Variants in RGS6 observed in about 807,000 individuals in gnomAD.
RGS6 encodes the protein regulator of G protein signaling 6.
RGS6 carries 30 observed loss-of-function variants against 78.5 expected under a neutral mutation model. That is an observed-to-expected ratio of 0.38 (90% CI 0.29 to 0.52). RGS6 has a LOEUF of 0.52. Among genes scored for constraint, RGS6 ranks in the 20% least tolerant of loss-of-function variants. The pLI, the probability that RGS6 is intolerant of heterozygous loss-of-function variation, is 0.85. For missense variants in RGS6, 495 were observed against 609.7 expected, an observed-to-expected ratio of 0.81 and a Z score of 1.98; for synonymous variants, 206 against 206.0, an observed-to-expected ratio of 1.00 and a Z score of 0.00.
intron 17 of RGS6, 65 bp from the exon 18 acceptor site, chr14:72,562,352 G>C (rs1244853963): frequency 6.6e-7 from 1 of 1,512,100 alleles, no homozygotes; most frequent in Non-Finnish European, 9.1e-7. Flanking sequence ...CACCTGTCTG[G>C]CTCTCTGTCT....
At chr14:71,974,907 G>A (rs184329584) in intron 2 of RGS6, among the ~76,000 whole-genome samples, 8 of 152,330 alleles carry the variant, frequency 5.3e-5, no homozygotes, top group East Asian at 3.9e-4. Context: ...TTGGGAGGCC[G>A]AGGCAGGAAG....
chr14:72,023,287 G>A lies in RGS6; in HGVS notation c.84+58412G>A, dbSNP rs373922295. ...AGCTCCTTTTTCTAAATTGCCTTCC[G>A]GCTACCCAAGAAAGTCAATTTCCTT... On this transcript the variant is annotated intron_variant, in intron 2 of 17. Transcript: ENST00000553525. Among the ~76,000 whole-genome samples the A allele has an allele frequency of 4.8e-4, 73 of 152,214 alleles. No homozygotes were observed. The South Asian group carries it at 0.014, about 30-fold the overall frequency.
rs1599228414 is a variant in RGS6, at chr14:72,562,639, C to T, written c.*172C>T. The T allele has an allele frequency of 6.5e-7, 1 of 1,533,056 alleles. No homozygotes were observed. Among genetic ancestry groups the T allele is most frequent in the African/African-American group, 1.4e-5 (1 of 72,182 alleles). The allele number at this position is 1,533,056 out of a possible 1,614,324, so 95.0% of individuals were successfully genotyped here. Reference sequence around the variant, plus strand: ...AGACTCGGTGGGTGAATGGGGAGACCAGAAAGAAAGAGTCCACAGAGCCTG... The same window carrying T: ...AGACTCGGTGGGTGAATGGGGAGACTAGAAAGAAAGAGTCCACAGAGCCTG... On this transcript the variant is annotated 3_prime_UTR_variant, in exon 18 of 18. Transcript: ENST00000553525.
intron 3 of RGS6, among the ~76,000 whole-genome samples, chr14:72,427,241 A>G (rs1244375668): frequency 1.3e-5 from 2 of 152,224 alleles, no homozygotes; most frequent in East Asian, 3.8e-4. Context: ...AACTTTTCTT[A>G]CAGTATATTG....
intron 2 of RGS6, among the ~76,000 whole-genome samples, chr14:72,087,166 T>C (rs1054947390): frequency 2.0e-5 from 3 of 152,212 alleles, no homozygotes; most frequent in Non-Finnish European, 1.5e-5. Context: ...AGTCTCACTC[T>C]GTTGCTCAAG....
chr14:72,476,268 C>T (rs773569492), intron 10 of RGS6, among the ~76,000 whole-genome samples: 8 of 152,208 alleles, frequency 5.3e-5, no homozygotes, highest in South Asian at 2.1e-4. Context: ...TGCTGACCAA[C>T]GGAAATGTAG....
At chr14:72,539,960 C>CTGCTGTTTGGGAACCACGTATAAGCT in intron 16 of RGS6, 81 bp from the exon 17 acceptor site, 1 of 1,240,446 alleles carries the variant, frequency 8.1e-7, no homozygotes, top group Non-Finnish European at 1.1e-6. Context: ...GCTGCAGCTG[C>CTGCTGTTTGGGAACCACGTATAAGCT]TGCTGTTTGG....
chr14:71,993,063 G>T (rs989250727), intron 2 of RGS6, among the ~76,000 whole-genome samples: 1 of 152,144 alleles, frequency 6.6e-6, no homozygotes, highest in South Asian at 2.1e-4. Context: ...AGGAGATGTT[G>T]TCTTTACAAT....
intron 17 of RGS6, among the ~76,000 whole-genome samples, chr14:72,554,835 C>G (rs142332784): frequency 6.6e-6 from 1 of 152,222 alleles, no homozygotes; most frequent in Non-Finnish European, 1.5e-5. Flanking sequence ...AACTTGGACG[C>G]GAGACCGGGG....
At chr14:72,459,827 A>G (rs569877486) in intron 6 of RGS6, 144 bp downstream of exon 6, 56 of 782,294 alleles carry the variant, frequency 7.2e-5, no homozygotes, top group Middle Eastern at 6.8e-4. Flanking sequence ...TATTGTTGCT[A>G]TATAACAAAT....
intron 10 of RGS6, 49 bp from the exon 11 acceptor site, chr14:72,476,693 C>A: frequency 6.5e-7 from 1 of 1,536,072 alleles, no homozygotes; most frequent in African/African-American, 1.4e-5. Context: ...CCTAAGCCAC[C>A]CTCCAATTCT....
chr14:72,617,778 CG>C, the RGS6 span, among the ~76,000 whole-genome samples: 1 of 152,150 alleles, frequency 6.6e-6, no homozygotes, highest in South Asian at 2.1e-4. Context: ...CCCGAGTCTC[CG>C]GGAGCGTCCT....
chr14:72,193,190 C>T (rs576833695), intron 2 of RGS6, among the ~76,000 whole-genome samples: 3 of 152,212 alleles, frequency 2.0e-5, no homozygotes, highest in South Asian at 2.1e-4. Context: ...GGTGGGGTTT[C>T]GCCATGTTGG....
chr14:72,134,189 C>G (rs2096389422), intron 2 of RGS6, among the ~76,000 whole-genome samples: 1 of 152,204 alleles, frequency 6.6e-6, no homozygotes, highest in Non-Finnish European at 1.5e-5. Flanking sequence ...TTGAACATCT[C>G]TGGTGATTTT....
the RGS6 span, among the ~76,000 whole-genome samples, chr14:72,622,810 C>A: frequency 3.9e-5 from 6 of 152,126 alleles, no homozygotes; most frequent in Non-Finnish European, 7.3e-5. Context: ...CAGGGTAAAT[C>A]CCTGACCATG....
intron 2 of RGS6, among the ~76,000 whole-genome samples, chr14:72,085,438 A>G (rs1414563478): frequency 6.6e-6 from 1 of 152,176 alleles, no homozygotes; most frequent in Non-Finnish European, 1.5e-5. Context: ...AGCACTGAGT[A>G]CCTGGGCCCA....
rs865330 is a variant in RGS6 at position 72,269,568 on chromosome 14, T to A, written c.85-82527T>A. ...TTTTTACAGTGAAACCTATCTTAAA[T>A]TTTTTTTTTTTTTTTTTTTTTTTTT... On this transcript the variant is annotated intron_variant, in intron 2 of 17. Transcript: ENST00000553525. Among the ~76,000 whole-genome samples, 38 of 8,800 alleles carry A rather than the reference T, an allele frequency of 4.3e-3. 1 individual carries two copies. Among genetic ancestry groups the A allele is most frequent in the East Asian group, 0.023 (2 of 88 alleles). The allele number at this position is 8,800 out of a possible 152,430, so 5.8% of individuals were successfully genotyped here. A position where few individuals can be genotyped will look rare whatever the true frequency, so the allele number is the denominator to read the frequency against.
chr14:72,007,940 C>T (rs2084903701), intron 2 of RGS6, among the ~76,000 whole-genome samples: 1 of 152,104 alleles, frequency 6.6e-6, no homozygotes, highest in Non-Finnish European at 1.5e-5. Flanking sequence ...TTTGGACCAC[C>T]AAGTGTCAAC....
intron 2 of RGS6, among the ~76,000 whole-genome samples, chr14:71,981,571 C>T (rs141430959): frequency 0.13 from 19,345 of 146,856 alleles, 787 homozygotes; most frequent in East Asian, 0.2. Context: ...TTAGGCCGCT[C>T]GGGGGTGCCT....
Sources: gnomAD v4.1 joint callset for allele counts (sites outside exome capture counted in the v4.1 genomes callset) on GRCh38, gnomAD v4.1.1 for gene constraint, MANE v1.5 for transcripts, NCBI Gene and HGNC (gene_info 2026-07-23, HGNC 2026-07-21) for gene names.